SCHIP1: variants seen among roughly 807,000 people sequenced by gnomAD.
SCHIP1 encodes the protein schwannomin interacting protein 1.
Under a neutral mutation model 29.7 loss-of-function variants are expected in SCHIP1, and 8 were observed. That is an observed-to-expected ratio of 0.27 (90% CI 0.16 to 0.49). SCHIP1 has a LOEUF of 0.49. Among genes scored for constraint, SCHIP1 ranks in the 20% least tolerant of loss-of-function variants. The pLI, the probability that SCHIP1 is intolerant of heterozygous loss-of-function variation, is 0.99. For synonymous variants in SCHIP1, 76 were observed against 94.9 expected (o/e 0.80, Z 1.16); for missense variants, 193 against 294.6 (o/e 0.66, Z 2.52).
the SCHIP1 span, among the ~76,000 whole-genome samples, chr3:159,327,758 T>A: frequency 6.6e-6 from 1 of 152,170 alleles, no homozygotes; most frequent in South Asian, 2.1e-4. Flanking sequence ...CTGGTGGAAA[T>A]GCAGTCCCAT....
the SCHIP1 span, among the ~76,000 whole-genome samples, chr3:159,688,388 A>G: frequency 1.3e-5 from 2 of 152,196 alleles, no homozygotes; most frequent in African/African-American, 4.8e-5. Flanking sequence ...TGTTGGCCAC[A>G]TAAATGTCTT....
chr3:159,795,752 C>T, the SCHIP1 span, among the ~76,000 whole-genome samples: 1 of 152,046 alleles, frequency 6.6e-6, no homozygotes, highest in African/African-American at 2.4e-5. Context: ...AGGAGATATT[C>T]CAGGCAGAGG....
chr3:159,422,605 T>C, the SCHIP1 span, among the ~76,000 whole-genome samples: 1 of 152,208 alleles, frequency 6.6e-6, no homozygotes, highest in Admixed American at 6.5e-5. Flanking sequence ...TTCCAATCAC[T>C]GCCCACCCTC....
chr3:159,353,750 G>A, the SCHIP1 span, among the ~76,000 whole-genome samples: 2 of 152,110 alleles, frequency 1.3e-5, no homozygotes, highest in Admixed American at 6.5e-5. Context: ...TGCCAAGGTA[G>A]CCCTTGTAGT....
In SCHIP1 at chr3:159,856,461, T is replaced by C. The variant is rs116213481; in HGVS notation, c.31-9702T>C. On this transcript the variant is annotated intron_variant, in intron 1 of 6. Coordinates refer to ENST00000445224, the Ensembl canonical transcript of SCHIP1. Reference sequence around the variant, plus strand: ...ACGAGAGTTGTTTATGTGTACATTCTTGGGGCAGGGAAAGATCTAAATGAC... The same window carrying C: ...ACGAGAGTTGTTTATGTGTACATTCCTGGGGCAGGGAAAGATCTAAATGAC... Among the ~76,000 whole-genome samples the C allele has an allele frequency of 4.4e-3, 670 of 152,182 alleles. 6 individuals carry two copies. Among genetic ancestry groups the C allele is most frequent in the African/African-American group, 0.015 (611 of 41,540 alleles).
the SCHIP1 span, among the ~76,000 whole-genome samples, chr3:159,751,191 G>A: frequency 1.3e-5 from 2 of 152,208 alleles, no homozygotes; most frequent in South Asian, 4.1e-4. Context: ...TCAGCATACT[G>A]TGGCCAGTGG....
chr3:159,585,756 T>C, the SCHIP1 span, among the ~76,000 whole-genome samples: 1 of 152,186 alleles, frequency 6.6e-6, no homozygotes, highest in Non-Finnish European at 1.5e-5. Flanking sequence ...TCTGACCCTA[T>C]AGTATAACTC....
intron 5 of SCHIP1, among the ~76,000 whole-genome samples, 153 bp downstream of exon 6, chr3:159,889,096 CT>C (rs1717239134): frequency 6.6e-6 from 1 of 152,084 alleles, no homozygotes. Flanking sequence ...TTTTTTGTTG[CT>C]GTTGTTTTAG....
At chr3:159,633,530 T>C in the SCHIP1 span, among the ~76,000 whole-genome samples, 1 of 152,038 alleles carries the variant, frequency 6.6e-6, no homozygotes, top group Non-Finnish European at 1.5e-5. Flanking sequence ...GTAAATCACA[T>C]ACAAAATTCA....
the SCHIP1 span, among the ~76,000 whole-genome samples, chr3:159,706,720 C>T: frequency 6.6e-6 from 1 of 152,102 alleles, no homozygotes; most frequent in Non-Finnish European, 1.5e-5. Flanking sequence ...CGTTACTATA[C>T]TCCCCTGAAT....
the SCHIP1 span, among the ~76,000 whole-genome samples, chr3:159,615,886 A>G: frequency 6.6e-6 from 1 of 152,226 alleles, no homozygotes; most frequent in Non-Finnish European, 1.5e-5. Context: ...AAATCAAAAC[A>G]TATTTGTCTA....
chr3:159,675,589 A>C, the SCHIP1 span, among the ~76,000 whole-genome samples: 1 of 152,254 alleles, frequency 6.6e-6, no homozygotes, highest in South Asian at 2.1e-4. Context: ...CTTGGTCTGC[A>C]CAAAGTGTTT....
At chr3:159,495,780 A>C in the SCHIP1 span, among the ~76,000 whole-genome samples, 1 of 152,220 alleles carries the variant, frequency 6.6e-6, no homozygotes, top group Non-Finnish European at 1.5e-5. Context: ...ATGCAACCAA[A>C]AAACAGCCCG....
At chr3:159,600,372 A>G in the SCHIP1 span, among the ~76,000 whole-genome samples, 2 of 152,326 alleles carry the variant, frequency 1.3e-5, no homozygotes, top group Non-Finnish European at 2.9e-5. Flanking sequence ...CTTGTCATGC[A>G]GGCTTTGCTC....
chr3:159,442,845 G>A, the SCHIP1 span, among the ~76,000 whole-genome samples: 1 of 152,194 alleles, frequency 6.6e-6, no homozygotes, highest in Non-Finnish European at 1.5e-5. Context: ...CTCCATTGCT[G>A]CAGTTAACTA....
the SCHIP1 span, among the ~76,000 whole-genome samples, chr3:159,336,722 A>G: frequency 6.6e-6 from 1 of 152,172 alleles, no homozygotes; most frequent in South Asian, 2.1e-4. Flanking sequence ...TTGGTACAGT[A>G]CCGTGCTGTT....
chr3:159,339,643 A>G, the SCHIP1 span, among the ~76,000 whole-genome samples: 1 of 152,170 alleles, frequency 6.6e-6, no homozygotes, highest in African/African-American at 2.4e-5. Flanking sequence ...GACTTATTTA[A>G]CAGATGTTTT....
the SCHIP1 span, among the ~76,000 whole-genome samples, chr3:159,751,568 G>A: frequency 3.4e-5 from 5 of 147,606 alleles, no homozygotes; most frequent in South Asian, 6.4e-4. Context: ...TTTTTGAGAC[G>A]GAGTCTCACC....
At chr3:159,519,747 G>T in the SCHIP1 span, among the ~76,000 whole-genome samples, 1 of 151,850 alleles carries the variant, frequency 6.6e-6, no homozygotes, top group Admixed American at 6.6e-5. Context: ...TGAGTCTTAA[G>T]ATTGTACAAA....
Sources: gnomAD v4.1 joint callset for allele counts (sites outside exome capture counted in the v4.1 genomes callset) on GRCh38, gnomAD v4.1.1 for gene constraint, MANE v1.5 for transcripts, NCBI Gene and HGNC (gene_info 2026-07-23, HGNC 2026-07-21) for gene names.